KLHL3: variants seen among roughly 807,000 people sequenced by gnomAD.
KLHL3 encodes the protein kelch like family member 3.
In KLHL3, 19 loss-of-function variants were observed where a neutral mutation model predicts 70.5. The observed-to-expected ratio is 0.27, with a 90% CI of 0.19 to 0.40. The LOEUF (loss-of-function observed/expected upper bound fraction) is 0.40. KLHL3 is among the 10% of genes least tolerant of loss of function. The pLI is 1.00. For synonymous variants in KLHL3, 258 were observed against 290.3 expected (o/e 0.89, Z 1.13); for missense variants, 512 against 771.1 (o/e 0.66, Z 3.98).
chr5:137,717,511 C>T (rs1752917458), intron 2 of KLHL3, among the ~76,000 whole-genome samples: 3 of 152,230 alleles, frequency 2.0e-5, no homozygotes, highest in Admixed American at 2.0e-4. Flanking sequence ...GCCTGGGCCA[C>T]ACGAGTGAAA....
chr5:137,664,141 C>T (rs1275450214), intron 6 of KLHL3, among the ~76,000 whole-genome samples: 2 of 151,816 alleles, frequency 1.3e-5, no homozygotes, highest in African/African-American at 2.4e-5. Context: ...TGCTTGAGCC[C>T]AGGAGTTCAA....
At chr5:137,640,752 C>G (rs552200837) in intron 8 of KLHL3, among the ~76,000 whole-genome samples, 24 of 152,162 alleles carry the variant, frequency 1.6e-4, no homozygotes, top group Non-Finnish European at 2.9e-4. Flanking sequence ...AACTCCTGCT[C>G]TAGAGACAGG....
intron 13 of KLHL3, among the ~76,000 whole-genome samples, chr5:137,626,267 G>A (rs1580713558): frequency 6.6e-6 from 1 of 152,202 alleles, no homozygotes; most frequent in Non-Finnish European, 1.5e-5. Context: ...TAGGGAATAA[G>A]ACAATTCAGG....
intron 12 of KLHL3, 93 bp from the exon 13 acceptor site, chr5:137,628,530 G>T: frequency 6.9e-7 from 1 of 1,444,638 alleles, no homozygotes; most frequent in Non-Finnish European, 9.5e-7. Context: ...GCCCTGACCA[G>T]TGAGGGGACT....
At chr5:137,728,220 A>C (rs1753115186) in intron 1 of KLHL3, among the ~76,000 whole-genome samples, 1 of 152,196 alleles carries the variant, frequency 6.6e-6, no homozygotes, top group South Asian at 2.1e-4. Context: ...CAAGTGGGTG[A>C]GTGCTGACTC....
At chr5:137,627,191 A>G (rs544432862) in intron 13 of KLHL3, among the ~76,000 whole-genome samples, 7 of 152,320 alleles carry the variant, frequency 4.6e-5, no homozygotes, top group African/African-American at 1.7e-4. Context: ...TATCATATAA[A>G]TAAGTTTAGT....
At chr5:137,719,622 A>G (rs570972530) in intron 2 of KLHL3, among the ~76,000 whole-genome samples, 9 of 152,342 alleles carry the variant, frequency 5.9e-5, no homozygotes, top group African/African-American at 2.2e-4. Context: ...TGGCCTTACA[A>G]ATAGCCTGTG....
intron 3 of KLHL3, among the ~76,000 whole-genome samples, chr5:137,699,373 A>G (rs1243160128): frequency 6.6e-6 from 1 of 152,198 alleles, no homozygotes; most frequent in Non-Finnish European, 1.5e-5. Flanking sequence ...AGATGGGGCC[A>G]GGGCTTGACA....
At chr5:137,720,843 T>G (rs1752982894) in intron 1 of KLHL3, 1 of 1,278,530 alleles carries the variant, frequency 7.8e-7, no homozygotes, top group South Asian at 1.9e-5. Flanking sequence ...GTCCTTATTC[T>G]CCATCTCTCC....
At chr5:137,710,107 C>A (rs1386013365) in intron 2 of KLHL3, among the ~76,000 whole-genome samples, 1 of 152,172 alleles carries the variant, frequency 6.6e-6, no homozygotes, top group Admixed American at 6.5e-5. Context: ...AAATTCCAGG[C>A]TGCTTCATTT....
intron 7 of KLHL3, among the ~76,000 whole-genome samples, chr5:137,659,931 G>GA (rs995398490): frequency 2.0e-5 from 3 of 150,902 alleles, no homozygotes; most frequent in Non-Finnish European, 4.4e-5. Flanking sequence ...TTTTGTGAAA[G>GA]AAAAAAAAAC....
At chr5:137,653,717 T>C (rs1751267466) in intron 8 of KLHL3, among the ~76,000 whole-genome samples, 1 of 152,200 alleles carries the variant, frequency 6.6e-6, no homozygotes. Flanking sequence ...GTTAAACATA[T>C]ACTTACCATA....
intron 8 of KLHL3, among the ~76,000 whole-genome samples, chr5:137,648,943 T>C (rs1487445111): frequency 6.6e-6 from 1 of 152,220 alleles, no homozygotes; most frequent in Non-Finnish European, 1.5e-5. Context: ...TCTCTACTTA[T>C]TTGGTTGTTC....
chr5:137,720,030 G>A (rs1004763532), intron 2 of KLHL3, among the ~76,000 whole-genome samples: 4 of 152,214 alleles, frequency 2.6e-5, no homozygotes, highest in East Asian at 1.9e-4. Flanking sequence ...TGCCGGGCGC[G>A]GTGGCTCACG....
At chr5:137,664,233 C>T (rs1200399136) in intron 6 of KLHL3, among the ~76,000 whole-genome samples, 1 of 151,466 alleles carries the variant, frequency 6.6e-6, no homozygotes, top group African/African-American at 2.4e-5. Flanking sequence ...GCCTATAGTC[C>T]CAGCTACTAG....
At chr5:137,678,138 G>C (rs533988276) in intron 5 of KLHL3, among the ~76,000 whole-genome samples, 1 of 152,244 alleles carries the variant, frequency 6.6e-6, no homozygotes, top group Non-Finnish European at 1.5e-5. Flanking sequence ...CAGTAGATGG[G>C]ATCATCCTTT....
chr5:137,633,512 A>C (rs2149881390), intron 12 of KLHL3, among the ~76,000 whole-genome samples: 1 of 152,274 alleles, frequency 6.6e-6, no homozygotes, highest in East Asian at 1.9e-4. Context: ...AGACATGTAC[A>C]GTTATTATGT....
chr5:137,729,203 G>A (rs1440801305), intron 1 of KLHL3, among the ~76,000 whole-genome samples: 1 of 152,142 alleles, frequency 6.6e-6, no homozygotes, highest in Admixed American at 6.5e-5. Flanking sequence ...AGCTAGAGAT[G>A]AGATGGAATA....
intron 2 of KLHL3, among the ~76,000 whole-genome samples, chr5:137,717,301 G>T (rs1752912528): frequency 6.6e-6 from 1 of 152,232 alleles, no homozygotes; most frequent in African/African-American, 2.4e-5. Context: ...TACAAAATCT[G>T]TAAGTTCTAT....
Sources: allele counts gnomAD v4.1 joint callset (sites outside exome capture counted in the v4.1 genomes callset), GRCh38; gene constraint gnomAD v4.1.1; transcripts MANE v1.5; gene names NCBI Gene and HGNC (gene_info 2026-07-23, HGNC 2026-07-21).